UTRN: variants seen among roughly 807,000 people sequenced by gnomAD.
The protein encoded by UTRN is dystrophin-related protein 1.
A neutral mutation model predicts 463.9 loss-of-function variants in UTRN; 283 were observed. The ratio of observed to expected loss-of-function variants is 0.61; its 90% CI spans 0.55 to 0.67. The LOEUF (loss-of-function observed/expected upper bound fraction) is 0.67. Ranked by LOEUF, UTRN falls within the 30% of genes least tolerant of loss-of-function variation. UTRN has a pLI of 0.00. For synonymous variants in UTRN, 1,442 were observed against 1,431.5 expected, an observed-to-expected ratio of 1.01 and a Z score of -0.17; for missense variants, 3,922 against 4,084.3, an observed-to-expected ratio of 0.96 and a Z score of 1.08.
intron 53 of UTRN, among the ~76,000 whole-genome samples, chr6:144,710,578 A>C (rs1035692375): frequency 6.6e-6 from 1 of 152,192 alleles, no homozygotes; most frequent in Non-Finnish European, 1.5e-5. Context: ...CAGAACATTG[A>C]TATATTTTCA....
chr6:144,447,086 G>T (rs1183772910), intron 14 of UTRN, 125 bp from the exon 15 acceptor site: 1 of 749,784 alleles, frequency 1.3e-6, no homozygotes, highest in Non-Finnish European at 2.2e-6. Context: ...GTGTTTGAAG[G>T]CCTTCTTATC....
chr6:144,343,209 C>T (rs921029523), intron 2 of UTRN, among the ~76,000 whole-genome samples: 4 of 151,874 alleles, frequency 2.6e-5, no homozygotes, highest in African/African-American at 9.7e-5. Flanking sequence ...TCACAACAAG[C>T]AAGAAAAAGA....
At chr6:144,802,543 T>C (rs1262476118) in intron 64 of UTRN, among the ~76,000 whole-genome samples, 1 of 152,202 alleles carries the variant, frequency 6.6e-6, no homozygotes, top group Non-Finnish European at 1.5e-5. Flanking sequence ...CAAGTACAAG[T>C]CAATGTGCAG....
At chr6:144,531,918 A>G (rs1797095536) in intron 42 of UTRN, among the ~76,000 whole-genome samples, 1 of 152,040 alleles carries the variant, frequency 6.6e-6, no homozygotes, top group Non-Finnish European at 1.5e-5. Context: ...TGGGCGGATT[A>G]TGAGGTCAGG....
intron 13 of UTRN, among the ~76,000 whole-genome samples, chr6:144,442,163 T>C (rs1240817657): frequency 6.6e-6 from 1 of 152,228 alleles, no homozygotes; most frequent in African/African-American, 2.4e-5. Flanking sequence ...GAATTTCTCC[T>C]CAGAAAATGA....
At chr6:144,636,985 T>G (rs1455953677) in intron 51 of UTRN, among the ~76,000 whole-genome samples, 1 of 152,190 alleles carries the variant, frequency 6.6e-6, no homozygotes. Context: ...TTGTTTGTTT[T>G]TTGAGACGGA....
chr6:144,380,861 G>A (rs1780847123), intron 2 of UTRN, among the ~76,000 whole-genome samples: 2 of 152,128 alleles, frequency 1.3e-5, no homozygotes, highest in African/African-American at 4.8e-5. Flanking sequence ...CTTCCTGGCA[G>A]CCAAGACAAA....
intron 41 of UTRN, among the ~76,000 whole-genome samples, chr6:144,528,349 T>C (rs982924506): frequency 1.3e-5 from 2 of 152,174 alleles, no homozygotes; most frequent in African/African-American, 4.8e-5. Context: ...TGTGATCTTT[T>C]TGGGTATTTT....
chr6:144,415,669 G>A (rs1424271956), intron 3 of UTRN, among the ~76,000 whole-genome samples: 1 of 152,166 alleles, frequency 6.6e-6, no homozygotes, highest in East Asian at 1.9e-4. Flanking sequence ...TTGGAGTTTG[G>A]ATTGGATTTG....
chr6:144,658,428 T>C (rs1166623217), intron 51 of UTRN, among the ~76,000 whole-genome samples: 1 of 152,214 alleles, frequency 6.6e-6, no homozygotes, highest in Non-Finnish European at 1.5e-5. Context: ...ATTTTTAGTT[T>C]TTCTGGTTTT....
intron 51 of UTRN, among the ~76,000 whole-genome samples, chr6:144,649,649 G>A (rs575817956): frequency 5.3e-5 from 8 of 152,160 alleles, no homozygotes; most frequent in African/African-American, 1.7e-4. Context: ...TCTGTAAGCC[G>A]GGAACTTAAA....
chr6:144,400,077 T>A (rs1782804402), intron 2 of UTRN, among the ~76,000 whole-genome samples: 1 of 152,162 alleles, frequency 6.6e-6, no homozygotes, highest in African/African-American at 2.4e-5. Flanking sequence ...GAAAGGTCAT[T>A]AATGGATAAG....
chr6:144,653,579 C>T (rs1049727175), intron 51 of UTRN, among the ~76,000 whole-genome samples: 3 of 149,628 alleles, frequency 2.0e-5, no homozygotes, highest in Admixed American at 6.6e-5. Context: ...GAGCGAGACT[C>T]CATCTTAAAA....
chr6:144,326,127 C>G (rs987306145), intron 2 of UTRN, among the ~76,000 whole-genome samples: 1 of 152,074 alleles, frequency 6.6e-6, no homozygotes, highest in Non-Finnish European at 1.5e-5. Context: ...GTGTTATCAT[C>G]TTATTTTATT....
intron 1 of UTRN, among the ~76,000 whole-genome samples, chr6:144,289,862 C>T (rs569331361): frequency 6.6e-6 from 1 of 151,650 alleles, no homozygotes; most frequent in Non-Finnish European, 1.5e-5. Context: ...CCATGTTGGC[C>T]AGGCTGGTCT....
At chr6:144,616,567 A>G (rs1373927090) in intron 51 of UTRN, among the ~76,000 whole-genome samples, 1 of 151,990 alleles carries the variant, frequency 6.6e-6, no homozygotes, top group African/African-American at 2.4e-5. Flanking sequence ...CTTTTTTAAA[A>G]AAGATTTTAA....
intron 52 of UTRN, among the ~76,000 whole-genome samples, chr6:144,685,526 A>G (rs1218452322): frequency 2.0e-5 from 3 of 152,050 alleles, no homozygotes; most frequent in Admixed American, 6.6e-5. Flanking sequence ...ATTGACATCT[A>G]TTGTTTTTTG....
intron 51 of UTRN, among the ~76,000 whole-genome samples, chr6:144,607,577 G>A (rs1177349255): frequency 6.6e-6 from 1 of 152,140 alleles, no homozygotes; most frequent in African/African-American, 2.4e-5. Flanking sequence ...CTGGGTAAAG[G>A]CTATTTGTCT....
chr6:144,603,058 CTT>C (rs1196526240), intron 51 of UTRN, among the ~76,000 whole-genome samples: 1 of 152,066 alleles, frequency 6.6e-6, no homozygotes, highest in Non-Finnish European at 1.5e-5. Flanking sequence ...TTAGAATTGT[CTT>C]TTATAGAATT....
Sources: allele counts gnomAD v4.1 joint callset (sites outside exome capture counted in the v4.1 genomes callset), GRCh38; gene constraint gnomAD v4.1.1; transcripts MANE v1.5; gene names NCBI Gene and HGNC (gene_info 2026-07-23, HGNC 2026-07-21).